The following MAGI2 variants were observed in gnomAD, a reference collection of about 807,000 sequenced individuals.
The protein encoded by MAGI2 is membrane-associated guanylate kinase, WW and PDZ domain-containing protein 2.
A neutral mutation model predicts 133.3 loss-of-function variants in MAGI2; 35 were observed. That is an observed-to-expected ratio of 0.26 (90% CI 0.20 to 0.35). MAGI2 has a LOEUF of 0.35. Among genes scored for constraint, MAGI2 ranks in the 10% least tolerant of loss-of-function variants. The pLI, the probability that MAGI2 is intolerant of heterozygous loss-of-function variation, is 1.00. For missense variants in MAGI2, 1,636 were observed against 1,863.4 expected, an observed-to-expected ratio of 0.88 and a Z score of 2.25; for synonymous variants, 729 against 710.6, an observed-to-expected ratio of 1.03 and a Z score of -0.41.
At chr7:78,932,939 A>C (rs1800244713) in intron 2 of MAGI2, among the ~76,000 whole-genome samples, 1 of 152,148 alleles carries the variant, frequency 6.6e-6, no homozygotes. Flanking sequence ...GGACTGAATA[A>C]CTGTGCTGGG....
At chr7:78,511,484 A>G (rs888608175) in intron 4 of MAGI2, among the ~76,000 whole-genome samples, 1 of 150,282 alleles carries the variant, frequency 6.7e-6, no homozygotes, top group Admixed American at 6.6e-5. Context: ...TAATATGGGT[A>G]CTAAAATATT....
chr7:78,799,099 G>A (rs1787851272), intron 2 of MAGI2, among the ~76,000 whole-genome samples: 1 of 152,136 alleles, frequency 6.6e-6, no homozygotes, highest in Non-Finnish European at 1.5e-5. Flanking sequence ...CTTTGGTCAG[G>A]ACAGGTCATC....
chr7:78,690,619 A>T (rs1816854136), intron 2 of MAGI2, among the ~76,000 whole-genome samples: 1 of 152,226 alleles, frequency 6.6e-6, no homozygotes, highest in Admixed American at 6.5e-5. Context: ...AGCACACAAA[A>T]GATACTGAAT....
chr7:78,375,162 T>C (rs541897289), intron 6 of MAGI2, among the ~76,000 whole-genome samples: 18 of 152,216 alleles, frequency 1.2e-4, no homozygotes, highest in African/African-American at 1.9e-4. Flanking sequence ...TGTCTTTCAA[T>C]AGGTATATTC....
chr7:78,317,904 A>G (rs1787592144), intron 9 of MAGI2, among the ~76,000 whole-genome samples: 1 of 152,200 alleles, frequency 6.6e-6, no homozygotes, highest in Non-Finnish European at 1.5e-5. Flanking sequence ...AAACTAACAA[A>G]CAGAAAGGAA....
At chr7:78,933,666 G>A (rs1686821196) in intron 2 of MAGI2, among the ~76,000 whole-genome samples, 1 of 152,086 alleles carries the variant, frequency 6.6e-6, no homozygotes, top group African/African-American at 2.4e-5. Flanking sequence ...TAGTAATGTT[G>A]AAGATGACAT....
intron 9 of MAGI2, among the ~76,000 whole-genome samples, chr7:78,340,551 T>G (rs1157946687): frequency 6.6e-6 from 1 of 152,006 alleles, no homozygotes. Context: ...GATGCAAAAA[T>G]CCTCAATAAA....
At chr7:78,140,379 A>C (rs1822622715) in intron 16 of MAGI2, among the ~76,000 whole-genome samples, 1 of 152,210 alleles carries the variant, frequency 6.6e-6, no homozygotes, top group Non-Finnish European at 1.5e-5. Context: ...TCTTCTTGTT[A>C]ATAGATCCCA....
chr7:78,658,401 G>C (rs543906316), intron 2 of MAGI2, among the ~76,000 whole-genome samples: 24 of 152,272 alleles, frequency 1.6e-4, no homozygotes, highest in Admixed American at 4.6e-4. Context: ...AAATCTTTGG[G>C]ATCTAGGACT....
At chr7:78,879,648 A>G (rs1795691069) in intron 2 of MAGI2, among the ~76,000 whole-genome samples, 1 of 152,134 alleles carries the variant, frequency 6.6e-6, no homozygotes. Context: ...AGAAGGAGCC[A>G]GCACAAGAAT....
chr7:78,106,150 T>C (rs989610419), intron 20 of MAGI2, among the ~76,000 whole-genome samples: 1 of 152,174 alleles, frequency 6.6e-6, no homozygotes, highest in Non-Finnish European at 1.5e-5. Context: ...TCATGTAACA[T>C]AATTTCCTCC....
At chr7:79,259,071 G>A (rs1585351909) in intron 1 of MAGI2, among the ~76,000 whole-genome samples, 1 of 152,142 alleles carries the variant, frequency 6.6e-6, no homozygotes, top group Non-Finnish European at 1.5e-5. Flanking sequence ...CATGCTTTAC[G>A]TCTTTGGAAA....
intron 10 of MAGI2, among the ~76,000 whole-genome samples, chr7:78,245,726 A>ACCTGCAGTCCTCACCACTGGGGACT (rs532027120): frequency 6.6e-6 from 1 of 152,076 alleles, no homozygotes; most frequent in Non-Finnish European, 1.5e-5. Context: ...CACCTTGGAC[A>ACCTGCAGTCCTCACCACTGGGGACT]CCTGCAGTCC....
intron 3 of MAGI2, among the ~76,000 whole-genome samples, chr7:78,596,516 G>A (rs1210259580): frequency 6.6e-6 from 1 of 152,118 alleles, no homozygotes; most frequent in Non-Finnish European, 1.5e-5. Context: ...CTTTCAGTTA[G>A]TAATGAGTAA....
chr7:79,280,926 GAAAAAAAAAAAAAAAAAAAA>G lies in MAGI2; in HGVS notation c.301+172074_301+172093del, dbSNP rs71095390. Among the ~76,000 whole-genome samples the G allele has an allele frequency of 3.4e-3, 122 of 35,794 alleles. 3 individuals carry two copies. Among genetic ancestry groups the G allele is most frequent in the African/African-American group, 0.013 (117 of 8,892 alleles). The allele number at this position is 35,794 out of a possible 152,430, so 23.5% of individuals were successfully genotyped here. ...GGTGACAGAGCAAGACTCTGTCTCT[GAAAAAAAAAAAAAAAAAAAA>G]AAAAAAAAAAAAAAAAAAAGAATGA... On this transcript the variant is annotated intron_variant, in intron 1 of 21. Transcript: ENST00000354212.
At chr7:79,063,269 T>C (rs1221379909) in intron 1 of MAGI2, among the ~76,000 whole-genome samples, 1 of 152,140 alleles carries the variant, frequency 6.6e-6, no homozygotes, top group Non-Finnish European at 1.5e-5. Context: ...AGTTGCCTCA[T>C]ATTATCATCA....
chr7:79,159,660 C>T (rs916357201), intron 1 of MAGI2, among the ~76,000 whole-genome samples: 25 of 151,880 alleles, frequency 1.6e-4, no homozygotes, highest in African/African-American at 3.4e-4. Context: ...ATTTTTAATG[C>T]GAGAAGTTTT....
chr7:78,557,987 T>TAAAA (rs1316773134), intron 3 of MAGI2, among the ~76,000 whole-genome samples: 2 of 151,444 alleles, frequency 1.3e-5, no homozygotes, highest in African/African-American at 4.8e-5. Context: ...TTTTTTTTTT[T>TAAAA]AAAAAATAGT....
intron 1 of MAGI2, among the ~76,000 whole-genome samples, chr7:79,149,117 TATATA>T (rs1488183191): frequency 4.2e-5 from 6 of 144,428 alleles, no homozygotes; most frequent in South Asian, 2.1e-4. Context: ...TATTATATTA[TATATA>T]ATATAATATA....
Sources: allele counts gnomAD v4.1 joint callset (sites outside exome capture counted in the v4.1 genomes callset), GRCh38; gene constraint gnomAD v4.1.1; transcripts MANE v1.5; gene names NCBI Gene and HGNC (gene_info 2026-07-23, HGNC 2026-07-21).